The following KCNK1 variants were observed in gnomAD, a reference collection of about 807,000 sequenced individuals.
The protein encoded by KCNK1 is potassium two pore domain channel subfamily K member 1.
A neutral mutation model predicts 22.2 loss-of-function variants in KCNK1; 10 were observed. That is an observed-to-expected ratio of 0.45 (90% CI 0.28 to 0.76). The LOEUF (loss-of-function observed/expected upper bound fraction) is 0.76, where lower values mean the gene tolerates loss of function less well. KCNK1 is among the 30% of genes least tolerant of loss of function. The pLI, the probability that KCNK1 is intolerant of heterozygous loss-of-function variation, is 0.14. For synonymous variants in KCNK1, 200 were observed against 186.4 expected (o/e 1.07, Z -0.60); for missense variants, 378 against 421.0 (o/e 0.90, Z 0.89).
At chr1:233,656,306 A>G (rs1319632687) in intron 1 of KCNK1, among the ~76,000 whole-genome samples, 1 of 152,218 alleles carries the variant, frequency 6.6e-6, no homozygotes, top group Admixed American at 6.5e-5. Flanking sequence ...CTCTTTGAGA[A>G]GTTTCATTGG....
At chr1:233,662,502 C>T (rs1658414823) in intron 1 of KCNK1, among the ~76,000 whole-genome samples, 1 of 152,114 alleles carries the variant, frequency 6.6e-6, no homozygotes, top group African/African-American at 2.4e-5. Context: ...TCTATAGGAG[C>T]CCAGAAAGGT....
intron 1 of KCNK1, among the ~76,000 whole-genome samples, chr1:233,619,685 G>T (rs1307578813): frequency 1.3e-5 from 2 of 152,076 alleles, no homozygotes; most frequent in East Asian, 1.9e-4. Flanking sequence ...GCCGAGGCAG[G>T]TGGATCACGC....
At chr1:233,623,442 A>C (rs1657627067) in intron 1 of KCNK1, among the ~76,000 whole-genome samples, 1 of 152,236 alleles carries the variant, frequency 6.6e-6, no homozygotes, top group Non-Finnish European at 1.5e-5. Context: ...AAATGTTCCC[A>C]ACACAAAGAA....
intron 1 of KCNK1, among the ~76,000 whole-genome samples, chr1:233,644,334 C>T (rs1658053072): frequency 6.6e-6 from 1 of 152,114 alleles, no homozygotes; most frequent in South Asian, 2.1e-4. Context: ...ACGGTCAGAC[C>T]ATAGTACCTA....
At chr1:233,665,979 T>G (rs1658481344) in intron 1 of KCNK1, among the ~76,000 whole-genome samples, 1 of 152,262 alleles carries the variant, frequency 6.6e-6, no homozygotes, top group Non-Finnish European at 1.5e-5. Context: ...ATACAAGTGC[T>G]TGATCCTGTG....
chr1:233,638,886 A>G (rs996974341), intron 1 of KCNK1, among the ~76,000 whole-genome samples: 1 of 152,204 alleles, frequency 6.6e-6, no homozygotes, highest in Non-Finnish European at 1.5e-5. Flanking sequence ...GGTAGTGTGT[A>G]TGTCTGGAAG....
chr1:233,670,179 A>G (rs916396314), intron 2 of KCNK1, among the ~76,000 whole-genome samples: 1 of 152,132 alleles, frequency 6.6e-6, no homozygotes, highest in Non-Finnish European at 1.5e-5. Flanking sequence ...ACCATTTCCC[A>G]TCACAGATTC....
At chr1:233,670,114 T>C (rs575439347) in intron 2 of KCNK1, among the ~76,000 whole-genome samples, 2 of 152,228 alleles carry the variant, frequency 1.3e-5, no homozygotes, top group South Asian at 2.1e-4. Flanking sequence ...TGTTCCTTTT[T>C]ATGATTTTTT....
intron 1 of KCNK1, among the ~76,000 whole-genome samples, chr1:233,652,986 C>G (rs1658226817): frequency 6.6e-6 from 1 of 152,218 alleles, no homozygotes; most frequent in African/African-American, 2.4e-5. Flanking sequence ...GTGAGCATGC[C>G]TTTCCTATGC....
intron 1 of KCNK1, among the ~76,000 whole-genome samples, chr1:233,625,559 T>TG (rs1558108634): frequency 1.3e-5 from 2 of 152,074 alleles, no homozygotes; most frequent in African/African-American, 4.8e-5. Flanking sequence ...ACCTTGATTT[T>TG]GGGTTATCAT....
chr1:233,625,763 C>T (rs1282793602), intron 1 of KCNK1, among the ~76,000 whole-genome samples: 1 of 152,038 alleles, frequency 6.6e-6, no homozygotes, highest in Non-Finnish European at 1.5e-5. Flanking sequence ...GAGAAGATGG[C>T]ACTTACGTAA....
At chr1:233,653,486 G>A (rs1255666882) in intron 1 of KCNK1, among the ~76,000 whole-genome samples, 1 of 152,188 alleles carries the variant, frequency 6.6e-6, no homozygotes, top group African/African-American at 2.4e-5. Context: ...GCATCTGTGA[G>A]GGTGTTTCTG....
At chr1:233,625,016 T>A (rs1278789545) in intron 1 of KCNK1, among the ~76,000 whole-genome samples, 1 of 152,148 alleles carries the variant, frequency 6.6e-6, no homozygotes, top group African/African-American at 2.4e-5. Context: ...AATCACCTGA[T>A]AAAAGGCAGA....
At position 233,672,282 on chromosome 1, in the gene KCNK1, T is replaced by C. The variant is rs1658613873; in HGVS notation, c.*752T>C. ...ATGTTTCTACCCTCTTGCGATAGAA[T>C]GGTGTCAGATGTCTAACATGTTTAT... On this transcript the variant is annotated 3_prime_UTR_variant, in exon 3 of 3. Transcript: ENST00000366621. 2 of 152,638 alleles carry C rather than the reference T, an allele frequency of 1.3e-5. No homozygotes were observed. The highest frequency in any genetic ancestry group is 2.4e-5 in the African/African-American group (1 of 41,556). The allele number at this position is 152,638 out of a possible 1,614,324, so 9.5% of individuals were successfully genotyped here.
chr1:233,624,976 T>C (rs1244535073), intron 1 of KCNK1, among the ~76,000 whole-genome samples: 1 of 152,160 alleles, frequency 6.6e-6, no homozygotes, highest in Non-Finnish European at 1.5e-5. Context: ...AAGAGAAAAC[T>C]TCTCCTTCAC....
intron 1 of KCNK1, among the ~76,000 whole-genome samples, chr1:233,646,465 A>G (rs572581540): frequency 6.6e-6 from 1 of 152,270 alleles, no homozygotes; most frequent in South Asian, 2.1e-4. Flanking sequence ...TGCTGCTAAT[A>G]TGTCACAGGT....
Position 233,628,045 on chromosome 1 carries a change from G to T in KCNK1, c.355+13519G>T, listed in dbSNP as rs192948057. Among the ~76,000 whole-genome samples, 389 of 152,356 alleles carry T rather than the reference G, an allele frequency of 2.6e-3. 2 individuals carry two copies. The highest frequency in any genetic ancestry group is 8.6e-3 in the African/African-American group (356 of 41,578). On this transcript the variant is annotated intron_variant, in intron 1 of 2. Transcript: ENST00000366621. Reference sequence around the variant, plus strand: ...TCATCTCTACCCAGATGTCTGGGCTGTGTCTCATTGACCCAGTGGCAGTGG... The same window carrying T: ...TCATCTCTACCCAGATGTCTGGGCTTTGTCTCATTGACCCAGTGGCAGTGG...
At chr1:233,655,199 T>G (rs1209753656) in intron 1 of KCNK1, among the ~76,000 whole-genome samples, 1 of 152,186 alleles carries the variant, frequency 6.6e-6, no homozygotes, top group Non-Finnish European at 1.5e-5. Flanking sequence ...GACCTATCCT[T>G]TCTTCTTTTC....
At chr1:233,647,892 A>T (rs1658126410) in intron 1 of KCNK1, among the ~76,000 whole-genome samples, 1 of 152,216 alleles carries the variant, frequency 6.6e-6, no homozygotes, top group Non-Finnish European at 1.5e-5. Flanking sequence ...AAGAGCTGAC[A>T]GCTGATTTAC....
Sources: allele counts gnomAD v4.1 joint callset (sites outside exome capture counted in the v4.1 genomes callset), GRCh38; gene constraint gnomAD v4.1.1; transcripts MANE v1.5; gene names NCBI Gene and HGNC (gene_info 2026-07-23, HGNC 2026-07-21).